The following PDSS2 variants were observed in gnomAD, a reference collection of about 807,000 sequenced individuals.
PDSS2 encodes the protein all trans-polyprenyl-diphosphate synthase PDSS2.
Under a neutral mutation model 44.5 loss-of-function variants are expected in PDSS2, and 31 were observed. That is an observed-to-expected ratio of 0.70 (90% CI 0.52 to 0.94). The LOEUF (loss-of-function observed/expected upper bound fraction) is 0.94. PDSS2 is among the 40% of genes least tolerant of loss of function. The probability of loss-of-function intolerance (pLI) is 0.00; values close to 1 mark genes in which losing one functional copy is unlikely to be tolerated. For synonymous variants in PDSS2, 157 were observed against 180.3 expected, an observed-to-expected ratio of 0.87 and a Z score of 1.03; for missense variants, 452 against 482.2, an observed-to-expected ratio of 0.94 and a Z score of 0.59.
At chr6:107,437,976 A>T (rs1188382593) in intron 1 of PDSS2, among the ~76,000 whole-genome samples, 3 of 152,126 alleles carry the variant, frequency 2.0e-5, no homozygotes, top group African/African-American at 7.2e-5. Context: ...TGCTACTGAA[A>T]TGGACTCCTT....
At chr6:107,434,995 G>T (rs959642740) in intron 1 of PDSS2, among the ~76,000 whole-genome samples, 2 of 151,818 alleles carry the variant, frequency 1.3e-5, no homozygotes, top group African/African-American at 4.8e-5. Flanking sequence ...GTTTGATTAG[G>T]GCTGGGCACA....
intron 2 of PDSS2, among the ~76,000 whole-genome samples, chr6:107,322,876 C>A (rs1480375216): frequency 6.6e-6 from 1 of 152,094 alleles, no homozygotes; most frequent in Non-Finnish European, 1.5e-5. Context: ...GAAATCTTAA[C>A]AACAGAAAAG....
intron 1 of PDSS2, among the ~76,000 whole-genome samples, chr6:107,374,318 G>T (rs1779217489): frequency 6.6e-6 from 1 of 151,812 alleles, no homozygotes; most frequent in Admixed American, 6.6e-5. Flanking sequence ...CTCTTATGTG[G>T]TGTTGCTAAA....
intron 7 of PDSS2, among the ~76,000 whole-genome samples, chr6:107,167,299 G>T (rs1554247697): frequency 1.3e-5 from 2 of 152,128 alleles, no homozygotes; most frequent in Non-Finnish European, 2.9e-5. Context: ...ATGGTAGTTT[G>T]TATTTCTGTG....
intron 3 of PDSS2, among the ~76,000 whole-genome samples, chr6:107,272,475 A>G (rs1775634748): frequency 1.3e-5 from 2 of 152,156 alleles, no homozygotes; most frequent in South Asian, 4.1e-4. Context: ...AAGGATGGCA[A>G]AACAGTAAGA....
At chr6:107,451,881 G>T (rs555378812) in intron 1 of PDSS2, among the ~76,000 whole-genome samples, 1 of 152,290 alleles carries the variant, frequency 6.6e-6, no homozygotes, top group African/African-American at 2.4e-5. Context: ...CTCAGGGCCT[G>T]GTGTTGGGCC....
intron 2 of PDSS2, among the ~76,000 whole-genome samples, chr6:107,293,124 C>T (rs1776399864): frequency 6.6e-6 from 1 of 152,166 alleles, no homozygotes; most frequent in Admixed American, 6.5e-5. Flanking sequence ...CCGTACTCTA[C>T]CACTGAGCTC....
chr6:107,338,043 C>T (rs1777960789), intron 1 of PDSS2, among the ~76,000 whole-genome samples: 2 of 152,072 alleles, frequency 1.3e-5, no homozygotes, highest in East Asian at 1.9e-4. Flanking sequence ...TAACTGTTTC[C>T]AAAACACCAT....
intron 1 of PDSS2, among the ~76,000 whole-genome samples, chr6:107,337,919 T>C (rs576411227): frequency 6.6e-6 from 1 of 152,180 alleles, no homozygotes; most frequent in African/African-American, 2.4e-5. Flanking sequence ...TGTAATGAAC[T>C]GGGTGACAAA....
intron 1 of PDSS2, among the ~76,000 whole-genome samples, chr6:107,411,879 CTTTTTT>C (rs145161415): frequency 7.5e-5 from 7 of 93,880 alleles, no homozygotes; most frequent in Non-Finnish European, 8.2e-5. Flanking sequence ...TCTTCTTCTT[CTTTTTT>C]TTTTTTTTTT....
intron 1 of PDSS2, among the ~76,000 whole-genome samples, chr6:107,440,957 C>A (rs1781495410): frequency 6.6e-6 from 1 of 152,168 alleles, no homozygotes; most frequent in Admixed American, 6.6e-5. Context: ...AATCTAAATT[C>A]TTTATTTGGT....
chr6:107,397,671 C>T (rs1395110636), intron 1 of PDSS2, among the ~76,000 whole-genome samples: 1 of 152,134 alleles, frequency 6.6e-6, no homozygotes, highest in East Asian at 1.9e-4. Context: ...GGTCTTTCAA[C>T]TTGAATGTTT....
At chr6:107,443,758 C>G (rs1781580857) in intron 1 of PDSS2, among the ~76,000 whole-genome samples, 1 of 152,294 alleles carries the variant, frequency 6.6e-6, no homozygotes, top group East Asian at 1.9e-4. Flanking sequence ...TCTTTTTCAT[C>G]CCACATGACC....
intron 2 of PDSS2, among the ~76,000 whole-genome samples, chr6:107,310,919 CTT>C (rs370360594): frequency 5.7e-5 from 8 of 140,856 alleles, no homozygotes; most frequent in Non-Finnish European, 4.6e-5. Flanking sequence ...CAAAAATAAA[CTT>C]TTTTTTTTTT....
intron 2 of PDSS2, among the ~76,000 whole-genome samples, chr6:107,276,051 C>G (rs972632268): frequency 7.7e-6 from 1 of 130,240 alleles, no homozygotes; most frequent in African/African-American, 2.9e-5. Context: ...CTCAGGAGTT[C>G]AAAGTTATAG....
At chr6:107,351,245 C>T (rs977058742) in intron 1 of PDSS2, among the ~76,000 whole-genome samples, 20 of 152,076 alleles carry the variant, frequency 1.3e-4, no homozygotes, top group African/African-American at 4.8e-4. Flanking sequence ...TATTTGTATG[C>T]CCAAATGTAG....
In PDSS2 at chr6:107,274,054, C is replaced by G; in HGVS notation, c.605G>C (p.Gly202Ala). 1 of 1,614,074 alleles carries G rather than the reference C, an allele frequency of 6.2e-7. No homozygotes were observed. The highest frequency in any genetic ancestry group is 8.5e-7 in the Non-Finnish European group (1 of 1,179,958). ...GDFLLANACNGLALLQNTKVV... is the reference protein window; with the variant it reads ...GDFLLANACNALALLQNTKVV... ...CTTGGTGTTCTGTAGCAGAGCTAGT[C>G]CATTGCAGGCATTTGCTAGAAGAAA... Residue 202 changes from glycine to alanine, a missense_variant, in exon 3 of 8, where the codon GGA (glycine) becomes GCA (alanine). By Grantham distance (60) the Gly-to-Ala change is moderately conservative. Coordinates refer to ENST00000369037, the MANE Select transcript of PDSS2 (RefSeq NM_020381.4).
intron 3 of PDSS2, among the ~76,000 whole-genome samples, chr6:107,251,543 C>G (rs1415852401): frequency 6.6e-6 from 1 of 152,166 alleles, no homozygotes; most frequent in Non-Finnish European, 1.5e-5. Context: ...TAACTATGCA[C>G]AACTTTACTG....
At chr6:107,317,494 A>G (rs1003116622) in intron 2 of PDSS2, among the ~76,000 whole-genome samples, 1 of 152,156 alleles carries the variant, frequency 6.6e-6, no homozygotes, top group Non-Finnish European at 1.5e-5. Context: ...TGATGAGCCT[A>G]TTTTATCTCA....
Sources: gnomAD v4.1 joint callset for allele counts (sites outside exome capture counted in the v4.1 genomes callset) on GRCh38, gnomAD v4.1.1 for gene constraint, MANE v1.5 for transcripts, NCBI Gene and HGNC (gene_info 2026-07-23, HGNC 2026-07-21) for gene names.